Variants in STIM1 observed in about 807,000 individuals in gnomAD.
STIM1 encodes stromal interaction molecule 1.
A neutral mutation model predicts 74.7 loss-of-function variants in STIM1; 25 were observed. The observed-to-expected ratio is 0.33, with a 90% CI of 0.24 to 0.47. STIM1 has a LOEUF of 0.47. Among genes scored for constraint, STIM1 ranks in the 20% least tolerant of loss-of-function variants. STIM1 has a pLI of 1.00. For missense variants in STIM1, 728 were observed against 920.8 expected (o/e 0.79, Z 2.71); for synonymous variants, 328 against 348.8 (o/e 0.94, Z 0.66).
intron 1 of STIM1, among the ~76,000 whole-genome samples, chr11:3,901,784 C>T (rs1489952934): frequency 6.6e-6 from 1 of 152,202 alleles, no homozygotes; most frequent in Non-Finnish European, 1.5e-5. Context: ...GAGATAGCAT[C>T]TCGCTCTGTT....
At position 3,856,375 on chromosome 11, in the gene STIM1, C is replaced by G; in HGVS notation, c.105C>G (p.Ser35Arg). The G allele has an allele frequency of 6.2e-7, 1 of 1,614,180 alleles. No individual in the cohort carries two copies. Reference sequence around the variant, plus strand: ...ACAGTGAGAAGGCGACAGGAACCAGCTCGGGGGCCAACTCTGAGGAGTCCA... The same window carrying G: ...ACAGTGAGAAGGCGACAGGAACCAGGTCGGGGGCCAACTCTGAGGAGTCCA... The part of the protein sequence containing the change: ...HSHSEKATGT[S>R]SGANSEESTA... Residue 35 changes from serine to arginine, a missense_variant, in exon 1 of 13, where the codon AGC becomes AGG. Ser to Arg is a moderately radical substitution (Grantham distance 110, BLOSUM62 -1). Transcript: ENST00000526596.
chr11:3,912,878 C>G (rs9988893), intron 1 of STIM1, among the ~76,000 whole-genome samples: 133,084 of 152,128 alleles, frequency 0.87, 58,811 homozygotes, highest in East Asian at 0.95. Flanking sequence ...AAGTGGAAAT[C>G]TTATGTGTAC....
intron 1 of STIM1, among the ~76,000 whole-genome samples, chr11:3,862,637 A>G (rs1011738598): frequency 1.3e-5 from 2 of 151,984 alleles, no homozygotes; most frequent in African/African-American, 4.8e-5. Context: ...TAGTAGAGGC[A>G]GGGTTTCACT....
chr11:4,002,771 A>T (rs1199047917), intron 2 of STIM1, among the ~76,000 whole-genome samples: 1 of 149,394 alleles, frequency 6.7e-6, no homozygotes, highest in African/African-American at 2.5e-5. Context: ...GACACAAAAA[A>T]CCCTTCAAAA....
chr11:4,055,818 T>A lies in STIM1; in HGVS notation c.497+181T>A, dbSNP rs2959068. On this transcript the variant is annotated intron_variant, in intron 4 of 12. Coordinates refer to ENST00000526596, the MANE Select transcript of STIM1 (RefSeq NM_001382567.1). ...TATAAAGTATGATGGGCGCTTTGTA[T>A]CCACTCTCTTCTTTAATATTCCTGT... Among the ~76,000 whole-genome samples, 66,115 of 152,112 alleles carry A rather than the reference T, an allele frequency of 0.43. 16,160 individuals carry two copies. Among genetic ancestry groups the A allele is most frequent in the Non-Finnish European group, 0.55 (37,452 of 67,970 alleles).
At chr11:4,005,286 A>T (rs957149728) in intron 2 of STIM1, among the ~76,000 whole-genome samples, 13 of 152,178 alleles carry the variant, frequency 8.5e-5, no homozygotes, top group Non-Finnish European at 1.3e-4. Flanking sequence ...ATGCACGCGT[A>T]TGTTTATTGT....
chr11:4,014,593 C>A (rs1423334726), intron 2 of STIM1, among the ~76,000 whole-genome samples: 1 of 152,128 alleles, frequency 6.6e-6, no homozygotes, highest in Non-Finnish European at 1.5e-5. Context: ...GAGTTCAAGT[C>A]CTGGATATCC....
At chr11:3,937,319 A>ATAATAATAATGATAATAG (rs55981710) in intron 1 of STIM1, among the ~76,000 whole-genome samples, 1 of 148,980 alleles carries the variant, frequency 6.7e-6, no homozygotes, top group Admixed American at 6.7e-5. Context: ...AATAATAATA[A>ATAATAATAATGATAATAG]AATATCTGGA....
rs1472023654 is a variant in STIM1 at position 4,084,770 on chromosome 11, G to A, written c.1567+5G>A. ...AGTCCCTCTGGAAATACCCCGGTTTGAGGAGCCCCTTTGGGGCATTTTGTT... is the reference window on the plus strand; with the variant it reads ...AGTCCCTCTGGAAATACCCCGGTTTAAGGAGCCCCTTTGGGGCATTTTGTT... On this transcript the variant is annotated splice_donor_5th_base_variant and intron_variant, in intron 11 of 12. Transcript: ENST00000526596. The A allele has an allele frequency of 3.1e-6, 4 of 1,289,236 alleles. No homozygotes were observed. The African/African-American group carries it at 6.1e-5, about 20-fold the overall frequency. The allele number at this position is 1,289,236 out of a possible 1,614,324, so 79.9% of individuals were successfully genotyped here.
intron 2 of STIM1, among the ~76,000 whole-genome samples, chr11:3,999,204 C>A (rs1017267819): frequency 1.3e-5 from 2 of 152,120 alleles, no homozygotes; most frequent in African/African-American, 4.8e-5. Flanking sequence ...AAAAAATTAG[C>A]CCCTGTGCCT....
intron 1 of STIM1, among the ~76,000 whole-genome samples, chr11:3,931,261 A>C (rs2135559998): frequency 6.6e-6 from 1 of 152,354 alleles, no homozygotes; most frequent in Admixed American, 6.5e-5. Context: ...GCAAAGGCTT[A>C]CAGGCCAGGC....
At chr11:4,048,853 C>A (rs982918655) in intron 3 of STIM1, among the ~76,000 whole-genome samples, 2 of 152,088 alleles carry the variant, frequency 1.3e-5, no homozygotes, top group Non-Finnish European at 2.9e-5. Flanking sequence ...CCTACCTTAG[C>A]CTCCTGAGTA....
rs193180422 is a variant in STIM1, at chr11:4,057,899, A to G, written c.498-1382A>G. Among the ~76,000 whole-genome samples the G allele has an allele frequency of 3.5e-4, 53 of 152,098 alleles. No individual in the cohort carries two copies. The East Asian group carries it at 9.5e-3, about 27-fold the overall frequency. On this transcript the variant is annotated intron_variant, in intron 4 of 12. Transcript: ENST00000526596. ...AAAAAAAAAAAAAGAAAGTGACACT[A>G]ATAATGGAACTGAGTTCTTAAGGTT...
At chr11:3,902,376 C>T (rs2092370348) in intron 1 of STIM1, among the ~76,000 whole-genome samples, 1 of 152,118 alleles carries the variant, frequency 6.6e-6, no homozygotes, top group Non-Finnish European at 1.5e-5. Flanking sequence ...AGCAGCGATC[C>T]CCAATCTTTT....
intron 1 of STIM1, among the ~76,000 whole-genome samples, chr11:3,941,332 A>C (rs979155346): frequency 6.6e-6 from 1 of 152,166 alleles, no homozygotes; most frequent in African/African-American, 2.4e-5. Flanking sequence ...AGTGATATTA[A>C]ACAAAACAGA....
chr11:4,078,637 G>A (rs1055871991), intron 7 of STIM1, among the ~76,000 whole-genome samples: 5 of 151,134 alleles, frequency 3.3e-5, no homozygotes, highest in African/African-American at 7.3e-5. Context: ...GCACAATCTC[G>A]GCTCACTGCA....
At chr11:4,088,264 G>A (rs895722263) in intron 12 of STIM1, among the ~76,000 whole-genome samples, 14 of 152,104 alleles carry the variant, frequency 9.2e-5, no homozygotes, top group Admixed American at 9.2e-4. Context: ...TTCCCCTCTG[G>A]AAGTACTTCT....
At chr11:3,961,803 C>T (rs1020276212) in intron 1 of STIM1, among the ~76,000 whole-genome samples, 1 of 152,110 alleles carries the variant, frequency 6.6e-6, no homozygotes, top group Non-Finnish European at 1.5e-5. Context: ...CCACTGCGCC[C>T]GGCCAAATAC....
intron 5 of STIM1, among the ~76,000 whole-genome samples, chr11:4,064,126 G>C (rs944555783): frequency 9.2e-5 from 14 of 152,308 alleles, no homozygotes; most frequent in Non-Finnish European, 1.8e-4. Context: ...TGGAAGCTAA[G>C]GTTTTAGAAA....
Sources: allele counts gnomAD v4.1 joint callset (sites outside exome capture counted in the v4.1 genomes callset), GRCh38; gene constraint gnomAD v4.1.1; transcripts MANE v1.5; gene names NCBI Gene and HGNC (gene_info 2026-07-23, HGNC 2026-07-21).